The following REXO1 variants were observed in gnomAD, a reference collection of about 807,000 sequenced individuals.
REXO1 encodes REX1, RNA exonuclease 1 homolog.
Under a neutral mutation model 102.6 loss-of-function variants are expected in REXO1, and 42 were observed. That is an observed-to-expected ratio of 0.41 (90% CI 0.32 to 0.53). REXO1 has a LOEUF of 0.53. Ranked by LOEUF, REXO1 falls within the 20% of genes least tolerant of loss-of-function variation. REXO1 has a pLI of 0.27. For missense variants in REXO1, 1,819 were observed against 1,732.5 expected, an observed-to-expected ratio of 1.05 and a Z score of -0.89; for synonymous variants, 908 against 779.1, an observed-to-expected ratio of 1.17 and a Z score of -2.76.
chr19:1,817,829 C>A, intron 10 of REXO1, 49 bp from the exon 11 acceptor site: 3 of 1,518,164 alleles, frequency 2.0e-6, no homozygotes, highest in Non-Finnish European at 2.7e-6. Flanking sequence ...GCCCACTCCA[C>A]AGCCCCCGGG....
At chr19:1,848,176 A>C in intron 1 of REXO1, 26 bp downstream of exon 1, 1 of 1,163,902 alleles carries the variant, frequency 8.6e-7, no homozygotes, top group Non-Finnish European at 1.1e-6. Context: ...AGCCGAGCCC[A>C]AGGCAAGCAG....
rs572441407 is a variant in REXO1 at position 1,847,722 on chromosome 19, C to T, written c.157+480G>A. ...ACACAAGAGACGATCCTCGGACCAT[C>T]CTAACTCAACGACTGGAGACTGAGG... is the stretch of plus-strand genomic sequence containing the variant. On this transcript the variant is annotated intron_variant, in intron 1 of 15. Transcript: ENST00000170168. Among the ~76,000 whole-genome samples, 117 of 152,352 alleles carry T rather than the reference C, an allele frequency of 7.7e-4. 1 individual carries two copies. The highest frequency in any genetic ancestry group is 2.7e-3 in the African/African-American group (113 of 41,588).
intron 1 of REXO1, among the ~76,000 whole-genome samples, chr19:1,839,765 GC>G (rs1187357844): frequency 6.6e-6 from 1 of 152,248 alleles, no homozygotes; most frequent in Non-Finnish European, 1.5e-5. Context: ...CCTCCAGGCA[GC>G]CCTCCGAAGT....
chr19:1,820,466 T>C (rs1218925611), intron 5 of REXO1, 71 bp from the exon 6 acceptor site: 8 of 1,572,200 alleles, frequency 5.1e-6, no homozygotes, highest in Non-Finnish European at 6.9e-6. Flanking sequence ...GCAGACGCGA[T>C]GAGGCCGTGC....
At position 1,825,963 on chromosome 19, in the gene REXO1, G is replaced by C. The variant is rs201333713; in HGVS notation, c.1912-20C>G. The C allele has an allele frequency of 1.3e-6, 2 of 1,560,190 alleles. No homozygotes were observed. Among genetic ancestry groups the C allele is most frequent in the Non-Finnish European group, 8.8e-7 (1 of 1,131,806 alleles). The stretch of plus-strand genomic sequence containing the variant: ...GGGGGGCTAAGACACATGTCCGTCC[G>C]TCAGCACAGGTCTGCCCTCGCTGCC... On this transcript the variant is annotated intron_variant, in intron 2 of 15. Coordinates refer to ENST00000170168, the MANE Select transcript of REXO1 (RefSeq NM_020695.4).
chr19:1,826,364 G>A lies in REXO1; in HGVS notation c.1912-421C>T, dbSNP rs1356778548. ...GTCCAGGGCTGGCCCAGGAGAGCAA[G>A]AGCTCGCCACGCTGGGAGTAGGGAG... On this transcript the variant is annotated intron_variant, in intron 2 of 15. Transcript: ENST00000170168. This position sits in a 1 kb window ranked among gnomAD's most constrained non-coding sequence, Gnocchi z 4.3. Among the ~76,000 whole-genome samples, 1 of 151,920 alleles carries A rather than the reference G, an allele frequency of 6.6e-6. No individual in the cohort carries two copies. Among genetic ancestry groups the A allele is most frequent in the African/African-American group, 2.4e-5 (1 of 41,336 alleles).
rs760757751 is a variant in REXO1 at position 1,825,834 on chromosome 19, C to G, written c.2016+5G>C. 5.6e-6 allele frequency: 9 copies of G among 1,596,670 alleles called. No homozygotes were observed. Among genetic ancestry groups the G allele is most frequent in the Non-Finnish European group, 5.2e-6 (6 of 1,164,904 alleles). The stretch of plus-strand genomic sequence containing the variant: ...TCCTGCTGGCCTGGCCTCTGCGGAC[C>G]TTACCTCCTGGCCTTGCTTGGAAAG... On this transcript the variant is annotated splice_donor_5th_base_variant and intron_variant, in intron 3 of 15. Transcript: ENST00000170168.
In REXO1 at chr19:1,828,227, C is replaced by T; in HGVS notation, c.562G>A (p.Gly188Ser). ...SKYSLASLDR[G>S]QGRGGGGGGA... ...CCACCCCCTCCACCTCTGCCCTGACCCCTGTCCAGGGACGCCAGCGAGTAC... is the reference window on the plus strand; with the variant it reads ...CCACCCCCTCCACCTCTGCCCTGACTCCTGTCCAGGGACGCCAGCGAGTAC... Residue 188 changes from glycine (G) to serine (S), a missense_variant, in exon 2 of 16, where the codon GGT becomes AGT. Coordinates refer to ENST00000170168, the MANE Select transcript of REXO1 (RefSeq NM_020695.4). The T allele has an allele frequency of 6.2e-7, 1 of 1,607,070 alleles. No individual in the cohort carries two copies. The highest frequency in any genetic ancestry group is 1.1e-5 in the South Asian group (1 of 90,744).
In REXO1 at chr19:1,826,813, G is replaced by A. The variant is rs977953558; in HGVS notation, c.1911+65C>T. ...CAACTGGAAACCACTCCAGATAGAA[G>A]GTCTCTCACCAGGCCCTCGGCTCTG... is the stretch of plus-strand genomic sequence containing the variant. On this transcript the variant is annotated intron_variant, in intron 2 of 15. Transcript: ENST00000170168. This position sits in a 1 kb window ranked among gnomAD's most constrained non-coding sequence, Gnocchi z 4.3. 4.1e-5 allele frequency: 63 copies of A among 1,529,638 alleles called. No homozygotes were observed. Among genetic ancestry groups the A allele is most frequent in the Non-Finnish European group, 5.3e-5 (61 of 1,141,126 alleles). The allele number at this position is 1,529,638 out of a possible 1,614,324, so 94.8% of individuals were successfully genotyped here. A position where few individuals can be genotyped will look rare whatever the true frequency, so the allele number is the denominator to read the frequency against.
intron 1 of REXO1, among the ~76,000 whole-genome samples, chr19:1,839,442 TCCACGGGGCGCTGCCCCTCA>T (rs1274479864): frequency 6.8e-4 from 103 of 152,274 alleles, no homozygotes; most frequent in African/African-American, 2.2e-3. Context: ...AGTGGGCACC[TCCACGGGGCGCTGCCCCTCA>T]GCCAGGGGTT....
chr19:1,827,531 C>T lies in REXO1; in HGVS notation c.1258G>A (p.Ala420Thr), dbSNP rs1336918377. 6.3e-7 allele frequency: 1 copy of T among 1,585,602 alleles called. No individual in the cohort carries two copies. The highest frequency in any genetic ancestry group is 1.4e-5 in the African/African-American group (1 of 72,892). ...TCTGCCTTGCGCCGGGGGCTGCTGG[C>T]CTGCGGGCCCTTCTTGTCCGCACGG... is the stretch of plus-strand genomic sequence containing the variant. ...KPRADKKGPQASSPRRKAERP... is the reference protein window; with the variant it reads ...KPRADKKGPQTSSPRRKAERP... The change falls in exon 2 of 16, where the codon GCC (alanine) becomes ACC (threonine). Residue 420 changes from alanine to threonine, a missense_variant. Coordinates refer to ENST00000170168, the MANE Select transcript of REXO1 (RefSeq NM_020695.4).
At chr19:1,817,382 G>C in intron 11 of REXO1, 53 bp from the exon 12 acceptor site, 1 of 1,600,544 alleles carries the variant, frequency 6.2e-7, no homozygotes, top group Non-Finnish European at 8.5e-7. Flanking sequence ...TGGGGGCGGG[G>C]GTGGCAGCAG....
rs780598344 is a variant in REXO1 at position 1,816,442 on chromosome 19, G to C, written c.3445C>G (p.Leu1149Val). 8 of 1,611,834 alleles carry C rather than the reference G, an allele frequency of 5.0e-6. No homozygotes were observed. The South Asian group carries it at 7.7e-5, about 15-fold the overall frequency. Residue 1149 changes from leucine (L) to valine (V), a missense_variant, in exon 14 of 16, where the codon CTG becomes GTG. Leu to Val is a conservative substitution (Grantham distance 32). Transcript: ENST00000170168. ...LIGHSLESDL[L>V]ALKVIHSTVV... ...GGCCGGCAGGGCACCTTCAGGGCCA[G>C]GAGGTCGCTCTCCAGGCTGTGTCCG...
intron 1 of REXO1, chr19:1,830,787 C>T (rs2069880289): frequency 9.1e-5 from 18 of 198,354 alleles, no homozygotes; most frequent in South Asian, 8.6e-4. Flanking sequence ...ACACCACCAC[C>T]TTCAGACTCG....
At chr19:1,817,936 C>T (rs1227801316) in intron 10 of REXO1, among the ~76,000 whole-genome samples, 156 bp from the exon 11 acceptor site, 4 of 152,170 alleles carry the variant, frequency 2.6e-5, no homozygotes, top group Non-Finnish European at 4.4e-5. Context: ...GACCAGGCCC[C>T]GGCAGTCGTG....
Position 1,816,008 on chromosome 19 carries a change from G to A in REXO1, c.*58C>T. On this transcript the variant is annotated 3_prime_UTR_variant, in exon 16 of 16. Transcript: ENST00000170168. Reference sequence around the variant, plus strand: ...AGATTTATTGCACTGTTTTGGAAGAGGCATGGGGCTAAGGACCAGCGGGAC... The same window carrying A: ...AGATTTATTGCACTGTTTTGGAAGAAGCATGGGGCTAAGGACCAGCGGGAC... 1 of 1,537,896 alleles carries A rather than the reference G, an allele frequency of 6.5e-7. No homozygotes were observed.
chr19:1,833,851 G>A (rs2069969491), intron 1 of REXO1, among the ~76,000 whole-genome samples: 1 of 152,240 alleles, frequency 6.6e-6, no homozygotes, highest in Admixed American at 6.5e-5. Context: ...GATTCATGAA[G>A]GGGAGGTGAC....
In REXO1 at chr19:1,818,486, G is replaced by C. The variant is rs1234528769; in HGVS notation, c.3012C>G (p.Asn1004Lys). The change falls in exon 10 of 16, where the codon AAC (asparagine) becomes AAG (lysine). Residue 1004 changes from asparagine to lysine, a missense_variant. By Grantham distance (94) the Asn-to-Lys change is moderately conservative. Transcript: ENST00000170168. ...CYYHWGRLRR[N>K]RVAGGWETQY... is the part of the protein sequence containing the mutation. ...AGGACCCGGGTAAGGCCTTACCCCGGTTCCGGCGCAGCCGTCCCCAGTGGT... is the reference window on the plus strand; with the variant it reads ...AGGACCCGGGTAAGGCCTTACCCCGCTTCCGGCGCAGCCGTCCCCAGTGGT... 2 of 1,599,232 alleles carry C rather than the reference G, an allele frequency of 1.3e-6. No individual in the cohort carries two copies. Among genetic ancestry groups the C allele is most frequent in the Non-Finnish European group, 1.7e-6 (2 of 1,174,108 alleles).
chr19:1,815,692 G>A lies in REXO1; in HGVS notation c.*374C>T, dbSNP rs2069338413. ...AAAAAAGACTGTCTCAAACAAACCT[G>A]GGACAAGCCCGCCCCGCGACCCACG... On this transcript the variant is annotated 3_prime_UTR_variant, in exon 16 of 16. Coordinates refer to ENST00000170168, the MANE Select transcript of REXO1 (RefSeq NM_020695.4). This position sits in a 1 kb window ranked among gnomAD's most constrained non-coding sequence, Gnocchi z 4.0. 9.0e-6 allele frequency: 12 copies of A among 1,337,786 alleles called. No individual in the cohort carries two copies. The highest frequency in any genetic ancestry group is 1.1e-5 in the Non-Finnish European group (11 of 1,037,282). The allele number at this position is 1,337,786 out of a possible 1,614,324, so 82.9% of individuals were successfully genotyped here.
Sources: gnomAD v4.1 joint callset for allele counts (sites outside exome capture counted in the v4.1 genomes callset) on GRCh38, gnomAD v4.1.1 for gene constraint, Gnocchi (gnomAD v3.1) non-coding constraint, MANE v1.5 for transcripts, NCBI Gene and HGNC (gene_info 2026-07-23, HGNC 2026-07-21) for gene names.